ZNF131: variants seen among roughly 807,000 people sequenced by gnomAD.
The protein encoded by ZNF131 is zinc finger protein 131.
A neutral mutation model predicts 60.0 loss-of-function variants in ZNF131; 7 were observed. That is an observed-to-expected ratio of 0.12 (90% CI 0.07 to 0.22). The LOEUF (loss-of-function observed/expected upper bound fraction) is 0.22, where lower values mean the gene tolerates loss of function less well. ZNF131 is among the 10% of genes least tolerant of loss of function. ZNF131 has a pLI of 1.00. For synonymous variants in ZNF131, 257 were observed against 253.2 expected (o/e 1.01, Z -0.14); for missense variants, 493 against 740.9 (o/e 0.67, Z 3.88).
intron 4 of ZNF131, among the ~76,000 whole-genome samples, chr5:43,142,641 C>T (rs1370105640): frequency 1.3e-5 from 2 of 151,302 alleles, no homozygotes; most frequent in African/African-American, 4.9e-5. Flanking sequence ...TATTTAGATC[C>T]CACCCCCTAC....
chr5:43,156,580 A>G (rs1454515232), intron 4 of ZNF131, among the ~76,000 whole-genome samples: 1 of 152,214 alleles, frequency 6.6e-6, no homozygotes, highest in East Asian at 1.9e-4. Context: ...CAGCCCACCC[A>G]ATGACCTCAG....
At chr5:43,149,282 C>T (rs916578564) in intron 4 of ZNF131, among the ~76,000 whole-genome samples, 5 of 151,568 alleles carry the variant, frequency 3.3e-5, no homozygotes, top group African/African-American at 9.7e-5. Context: ...AGGCTGGGCA[C>T]GGTGGCTCAC....
chr5:43,171,301 A>G (rs1001974318), intron 5 of ZNF131, among the ~76,000 whole-genome samples: 10 of 152,054 alleles, frequency 6.6e-5, no homozygotes, highest in African/African-American at 2.2e-4. Flanking sequence ...TTCAAAGCCA[A>G]TTCTGGATCC....
In ZNF131 at chr5:43,143,898, C is replaced by CTTTTTT. The variant is rs79246574; in HGVS notation, c.371+4622_371+4627dup. On this transcript the variant is annotated intron_variant, in intron 4 of 6. Coordinates refer to ENST00000682664, the MANE Select transcript of ZNF131 (RefSeq NM_001330707.2). ...TAGGTTCTCTGGAATATTGTCAGAGCTTTTTTTTTTTTTTTTTTTTTTTTT... is the reference window on the plus strand; with the variant it reads ...TAGGTTCTCTGGAATATTGTCAGAGCTTTTTTTTTTTTTTTTTTTTTTTTTTTTTTT... 1.3e-3 allele frequency among the ~76,000 whole-genome samples: 47 copies of CTTTTTT among 34,994 alleles called. 15 individuals are homozygous for CTTTTTT. Among genetic ancestry groups the CTTTTTT allele is most frequent in the African/African-American group, 1.6e-3 (14 of 8,544 alleles). 23.0% of individuals were successfully genotyped at this position (34,994 alleles called of 152,430 possible).
intron 5 of ZNF131, among the ~76,000 whole-genome samples, chr5:43,164,311 C>T (rs963810453): frequency 7.2e-5 from 11 of 152,230 alleles, no homozygotes; most frequent in Admixed American, 2.6e-4. Flanking sequence ...TTTTGCTATA[C>T]GAACCAATCC....
intron 3 of ZNF131, among the ~76,000 whole-genome samples, chr5:43,127,129 C>G (rs532938846): frequency 6.6e-6 from 1 of 152,160 alleles, no homozygotes; most frequent in East Asian, 1.9e-4. Context: ...TAGTAATAAT[C>G]AATGGACAAG....
intron 5 of ZNF131, among the ~76,000 whole-genome samples, chr5:43,171,917 G>C (rs1486304693): frequency 3.9e-5 from 6 of 152,190 alleles, no homozygotes; most frequent in African/African-American, 1.4e-4. Flanking sequence ...ACCGCCCCGG[G>C]CCAGCCGTTT....
chr5:43,166,695 G>T (rs1035387050), intron 5 of ZNF131, among the ~76,000 whole-genome samples: 11 of 151,440 alleles, frequency 7.3e-5, no homozygotes, highest in African/African-American at 2.4e-4. Context: ...TCGCTCTGTC[G>T]CCCAGACTGG....
intron 3 of ZNF131, 77 bp from the exon 4 acceptor site, chr5:43,139,088 G>GGCTTTT: frequency 1.6e-6 from 2 of 1,228,710 alleles, no homozygotes; most frequent in Non-Finnish European, 2.1e-6. Flanking sequence ...CCAAGCCCTG[G>GGCTTTT]GCTTTTCTTT....
intron 3 of ZNF131, chr5:43,124,647 G>T (rs1394340270): frequency 6.6e-6 from 1 of 152,102 alleles, no homozygotes; most frequent in Non-Finnish European, 1.5e-5. Context: ...AAGCCTCCAT[G>T]AATTCATTCA....
chr5:43,171,057 A>G (rs927714782), intron 5 of ZNF131, among the ~76,000 whole-genome samples: 4 of 140,792 alleles, frequency 2.8e-5, no homozygotes, highest in Admixed American at 1.4e-4. Flanking sequence ...TGATTCTCGT[A>G]CCTCAGCCTC....
chr5:43,131,570 C>T (rs1745361207), intron 3 of ZNF131, among the ~76,000 whole-genome samples: 1 of 152,152 alleles, frequency 6.6e-6, no homozygotes, highest in Non-Finnish European at 1.5e-5. Context: ...AGTGTTTGGA[C>T]TTGAGCAGGA....
chr5:43,142,963 C>G (rs374854939), intron 4 of ZNF131, among the ~76,000 whole-genome samples: 1 of 151,582 alleles, frequency 6.6e-6, no homozygotes, highest in Non-Finnish European at 1.5e-5. Context: ...CTCAAAGTGC[C>G]GGGATTGCAG....
chr5:43,132,784 A>G (rs1745531178), intron 3 of ZNF131, among the ~76,000 whole-genome samples: 1 of 152,110 alleles, frequency 6.6e-6, no homozygotes, highest in African/African-American at 2.4e-5. Context: ...AAGTGCTGGG[A>G]TTACAGGCAT....
At chr5:43,133,563 A>T (rs553408173) in intron 3 of ZNF131, among the ~76,000 whole-genome samples, 1 of 152,322 alleles carries the variant, frequency 6.6e-6, no homozygotes, top group East Asian at 1.9e-4. Context: ...CTGTGATATG[A>T]GTGTACAGAT....
intron 3 of ZNF131, among the ~76,000 whole-genome samples, chr5:43,128,693 C>T (rs1203422968): frequency 6.8e-6 from 1 of 147,024 alleles, no homozygotes; most frequent in Non-Finnish European, 1.5e-5. Flanking sequence ...CTGGGGTGCT[C>T]ATAATAAAAA....
chr5:43,154,569 A>G (rs1748732828), intron 4 of ZNF131, among the ~76,000 whole-genome samples: 1 of 152,200 alleles, frequency 6.6e-6, no homozygotes, highest in Non-Finnish European at 1.5e-5. Flanking sequence ...AAGCAGACCA[A>G]GTTGTAACAG....
In ZNF131 at chr5:43,174,993, G is replaced by A; in HGVS notation, c.1732G>A (p.Glu578Lys). 6.2e-7 allele frequency: 1 copy of A among 1,614,150 alleles called. No individual in the cohort carries two copies. The highest frequency in any genetic ancestry group is 8.5e-7 in the Non-Finnish European group (1 of 1,180,038). The change falls in exon 7 of 7, where the codon GAG becomes AAG. Residue 578 changes from glutamate to lysine, a missense_variant. Glu to Lys is a moderately conservative substitution (Grantham distance 56, BLOSUM62 1). Transcript: ENST00000682664. ...TPEIMNQEER[E>K]SSQADAAEAA... ...AGAAATCATGAACCAAGAGGAGAGA[G>A]AGTCTAGCCAAGCAGATGCTGCTGA...
chr5:43,172,182 T>G (rs1308006360), intron 5 of ZNF131, among the ~76,000 whole-genome samples: 1 of 152,252 alleles, frequency 6.6e-6, no homozygotes, highest in African/African-American at 2.4e-5. Flanking sequence ...TTTTCTTTAC[T>G]TCTACTTCTG....
Sources: gnomAD v4.1 joint callset for allele counts (sites outside exome capture counted in the v4.1 genomes callset) on GRCh38, gnomAD v4.1.1 for gene constraint, MANE v1.5 for transcripts, NCBI Gene and HGNC (gene_info 2026-07-23, HGNC 2026-07-21) for gene names.